Variants in ANKRD29 observed in about 807,000 individuals in gnomAD.
The protein encoded by ANKRD29 is ankyrin repeat domain-containing protein 29.
A neutral mutation model predicts 38.0 loss-of-function variants in ANKRD29; 32 were observed. That is an observed-to-expected ratio of 0.84 (90% CI 0.64 to 1.13). The LOEUF (loss-of-function observed/expected upper bound fraction) is 1.13, where lower values mean the gene tolerates loss of function less well. Ranked by LOEUF, ANKRD29 falls within the 50% of genes most tolerant of loss-of-function variation. The pLI is 0.00. For synonymous variants in ANKRD29, 135 were observed against 152.4 expected, an observed-to-expected ratio of 0.89 and a Z score of 0.84; for missense variants, 357 against 377.9, an observed-to-expected ratio of 0.94 and a Z score of 0.46.
intron 2 of ANKRD29, chr18:23,647,548 G>C (rs1417902289): frequency 6.6e-6 from 1 of 150,638 alleles, no homozygotes; most frequent in East Asian, 1.9e-4. Context: ...TTTTTGAGTC[G>C]AAGTCTCGCC....
At chr18:23,653,539 G>A (rs1250696798) in intron 1 of ANKRD29, among the ~76,000 whole-genome samples, 2 of 151,400 alleles carry the variant, frequency 1.3e-5, no homozygotes, top group South Asian at 2.1e-4. Context: ...GTGAGCCACC[G>A]CACCTGGCCT....
In ANKRD29 at chr18:23,638,905, T is replaced by A. The variant is rs1458664279; in HGVS notation, c.274A>T (p.Asn92Tyr). Residue 92 changes from asparagine (N) to tyrosine (Y), a missense_variant, in exon 4 of 10, where the codon AAT becomes TAT. Asn to Tyr is a moderately radical substitution (Grantham distance 143). Transcript: ENST00000592179. ...ALFFAAQQGH[N>Y]DVVRFLFGFG... ...CCAAAGAGAAATCTCACGACATCAT[T>A]ATGGCCTTGCTGGGCGGCAAAGAAT... is the stretch of plus-strand genomic sequence containing the variant. 6.2e-7 allele frequency: 1 copy of A among 1,613,196 alleles called. No individual in the cohort carries two copies. The highest frequency in any genetic ancestry group is 1.3e-5 in the African/African-American group (1 of 75,040).
At chr18:23,619,668 G>A (rs756368111) in intron 6 of ANKRD29, 39 bp from the exon 7 acceptor site, 25 of 1,495,580 alleles carry the variant, frequency 1.7e-5, no homozygotes, top group Admixed American at 1.1e-4. Context: ...TGACTGGGGC[G>A]CCCGGCCCCA....
intron 6 of ANKRD29, among the ~76,000 whole-genome samples, chr18:23,621,915 C>T (rs1056977667): frequency 6.6e-6 from 1 of 151,854 alleles, no homozygotes; most frequent in East Asian, 1.9e-4. Context: ...AACTCTTGGC[C>T]TCCAGCAATC....
At chr18:23,634,608 C>G (rs1030635989) in intron 4 of ANKRD29, among the ~76,000 whole-genome samples, 9 of 151,682 alleles carry the variant, frequency 5.9e-5, no homozygotes, top group Non-Finnish European at 1.2e-4. Context: ...CTCTTTTATC[C>G]CTTTTACTTT....
chr18:23,620,086 G>A, intron 6 of ANKRD29, among the ~76,000 whole-genome samples: 1 of 152,022 alleles, frequency 6.6e-6, no homozygotes, highest in East Asian at 1.9e-4. Context: ...CTTTCCCAGT[G>A]GGTCACACCT....
At chr18:23,625,890 C>T (rs780508611) in intron 6 of ANKRD29, among the ~76,000 whole-genome samples, 1 of 152,172 alleles carries the variant, frequency 6.6e-6, no homozygotes, top group Non-Finnish European at 1.5e-5. Context: ...GCTTATGAGT[C>T]TGGGCCCTAT....
At chr18:23,634,691 G>A (rs1373920151) in intron 4 of ANKRD29, among the ~76,000 whole-genome samples, 1 of 152,178 alleles carries the variant, frequency 6.6e-6, no homozygotes. Context: ...TGCTAGAGAT[G>A]TATTACAGTT....
At chr18:23,649,048 T>C (rs1352539274) in intron 2 of ANKRD29, 35 bp downstream of exon 2, 1 of 1,572,574 alleles carries the variant, frequency 6.4e-7, no homozygotes, top group East Asian at 2.2e-5. Context: ...AGGGCAATGG[T>C]GCATGCTGGG....
chr18:23,636,991 C>T (rs2060011224), intron 4 of ANKRD29, among the ~76,000 whole-genome samples: 1 of 152,190 alleles, frequency 6.6e-6, no homozygotes, highest in Non-Finnish European at 1.5e-5. Context: ...CTCTTCTTCC[C>T]ATGGAAAGCT....
chr18:23,620,264 CTGT>C (rs1368415862), intron 6 of ANKRD29, among the ~76,000 whole-genome samples: 3 of 152,184 alleles, frequency 2.0e-5, no homozygotes, highest in Non-Finnish European at 2.9e-5. Flanking sequence ...TAGGTGGAAT[CTGT>C]TGTTGTGTCT....
chr18:23,611,501 T>C (rs546850607), intron 9 of ANKRD29, among the ~76,000 whole-genome samples: 1 of 152,144 alleles, frequency 6.6e-6, no homozygotes, highest in Admixed American at 6.5e-5. Context: ...CTGGCTAACA[T>C]GGTGAAACCC....
intron 3 of ANKRD29, among the ~76,000 whole-genome samples, chr18:23,641,845 C>A (rs2060081933): frequency 6.6e-6 from 1 of 152,178 alleles, no homozygotes; most frequent in African/African-American, 2.4e-5. Context: ...GGACTACCAG[C>A]TACAGGAAGG....
At chr18:23,640,243 C>T (rs2060056674) in intron 3 of ANKRD29, among the ~76,000 whole-genome samples, 1 of 152,126 alleles carries the variant, frequency 6.6e-6, no homozygotes. Context: ...GAAGGGAATT[C>T]CCCCAGGAGC....
chr18:23,646,165 C>A, intron 3 of ANKRD29, 24 bp downstream of exon 3: 1 of 1,610,108 alleles, frequency 6.2e-7, no homozygotes, highest in South Asian at 1.1e-5. Context: ...GGTCATTTTT[C>A]TTCAAGTGCA....
rs113353389 is a variant in ANKRD29, at chr18:23,615,943, A to ATATATATGTAT, written c.723+1788_723+1789insATACATATATA. ...AGTATGTATATATTATATAGTATATAATATATACATACTATATGTATGTAT... is the reference window on the plus strand; with the variant it reads ...AGTATGTATATATTATATAGTATATATATATATGTATATATATACATACTATATGTATGTAT... On this transcript the variant is annotated intron_variant, in intron 8 of 9. Coordinates refer to ENST00000592179, the MANE Select transcript of ANKRD29 (RefSeq NM_173505.4). Among the ~76,000 whole-genome samples the ATATATATGTAT allele has an allele frequency of 3.3e-4, 47 of 141,004 alleles. 1 individual carries two copies. The highest frequency in any genetic ancestry group is 2.6e-3 in the South Asian group (11 of 4,272). 92.5% of individuals were successfully genotyped at this position (141,004 alleles called of 152,430 possible).
intron 3 of ANKRD29, among the ~76,000 whole-genome samples, chr18:23,642,168 A>G (rs2060086295): frequency 6.6e-6 from 1 of 151,998 alleles, no homozygotes; most frequent in Admixed American, 6.5e-5. Context: ...ACAAGAATTT[A>G]GGACCTGGCG....
rs111979312 is a variant in ANKRD29 at position 23,646,607 on chromosome 18, A to T, written c.133-320T>A. 1,487 of 199,000 alleles carry T rather than the reference A, an allele frequency of 7.5e-3. 24 individuals are homozygous for T. Among genetic ancestry groups the T allele is most frequent in the African/African-American group, 0.032 (1,398 of 43,218 alleles). The allele number at this position is 199,000 out of a possible 1,614,324, so 12.3% of individuals were successfully genotyped here. On this transcript the variant is annotated intron_variant, in intron 2 of 9. Transcript: ENST00000592179. ...TTGCTCTCATTTTATGATTCCTATTAAATGATTCCTGAGCCAAAACATTGC... is the reference window on the plus strand; with the variant it reads ...TTGCTCTCATTTTATGATTCCTATTTAATGATTCCTGAGCCAAAACATTGC...
intron 7 of ANKRD29, 53 bp from the exon 8 acceptor site, chr18:23,617,880 T>C (rs1220877534): frequency 4.7e-6 from 7 of 1,478,566 alleles, no homozygotes; most frequent in Non-Finnish European, 6.6e-6. Flanking sequence ...TCTGTGTTGC[T>C]TGAAAGCAGT....
Sources: gnomAD v4.1 joint callset for allele counts (sites outside exome capture counted in the v4.1 genomes callset) on GRCh38, gnomAD v4.1.1 for gene constraint, MANE v1.5 for transcripts, NCBI Gene and HGNC (gene_info 2026-07-23, HGNC 2026-07-21) for gene names.